ECE2: variants seen among roughly 807,000 people sequenced by gnomAD.
ECE2 encodes the protein endothelin converting enzyme 2.
A neutral mutation model predicts 100.6 loss-of-function variants in ECE2; 81 were observed. The observed-to-expected ratio is 0.81, with a 90% CI of 0.67 to 0.97. The LOEUF is 0.97. Ranked by LOEUF, ECE2 falls within the 50% of genes least tolerant of loss-of-function variation. The pLI is 0.00. For missense variants in ECE2, 911 were observed against 988.1 expected (o/e 0.92, Z 1.05); for synonymous variants, 391 against 391.5 (o/e 1.00, Z 0.02).
At chr3:184,285,365 C>A in intron 9 of ECE2, 113 bp from the exon 10 acceptor site, 1 of 951,514 alleles carries the variant, frequency 1.1e-6, no homozygotes, top group Admixed American at 2.2e-5. Context: ...CCCGGGACAG[C>A]TTCCACATAT....
intron 7 of ECE2, among the ~76,000 whole-genome samples, chr3:184,282,831 G>C (rs4912532): frequency 6.6e-6 from 1 of 151,980 alleles, no homozygotes; most frequent in Non-Finnish European, 1.5e-5. Context: ...GGGAGGAAAA[G>C]ATACACTGTA....
chr3:184,290,527 A>G, intron 14 of ECE2, 30 bp from the exon 15 acceptor site: 1 of 1,603,394 alleles, frequency 6.2e-7, no homozygotes, highest in African/African-American at 1.3e-5. Context: ...GAGAGTCGGG[A>G]GCCTCAGCCC....
In ECE2 at chr3:184,292,278, TG is replaced by T; in HGVS notation, c.*44del. On this transcript the variant is annotated 3_prime_UTR_variant, in exon 19 of 19. Coordinates refer to ENST00000404464, the MANE Select transcript of ECE2 (RefSeq NM_001100121.2). ...AGAAATGGCCAGCTGTCACCAGACCTGGGGCAGCTCTCCTGACAAAGCTGTT... is the reference window on the plus strand; with the variant it reads ...AGAAATGGCCAGCTGTCACCAGACCTGGGCAGCTCTCCTGACAAAGCTGTT... 6.2e-7 allele frequency: 1 copy of T among 1,607,120 alleles called. No homozygotes were observed. Among genetic ancestry groups the T allele is most frequent in the Non-Finnish European group, 8.5e-7 (1 of 1,174,810 alleles).
chr3:184,276,591 C>T (rs1720563276), intron 2 of ECE2, 24 bp downstream of exon 2: 1 of 1,599,392 alleles, frequency 6.3e-7, no homozygotes, highest in Non-Finnish European at 8.5e-7. Context: ...CTTCCCCTTT[C>T]TCACCAGGCC....
At position 184,292,473 on chromosome 3, in the gene ECE2, C is replaced by A; in HGVS notation, c.*235C>A. ...CATTCACTGTGACATCTTTCCGTGT[C>A]ACCCTGCCTGGAAGAGGTCTGGGTG... On this transcript the variant is annotated 3_prime_UTR_variant, in exon 19 of 19. Transcript: ENST00000404464. The A allele has an allele frequency of 1.8e-6, 1 of 564,444 alleles. No homozygotes were observed. Among genetic ancestry groups the A allele is most frequent in the East Asian group, 2.9e-5 (1 of 34,340 alleles). The allele number at this position is 564,444 out of a possible 1,614,324, so 35.0% of individuals were successfully genotyped here.
At chr3:184,287,267 C>G (rs1721097894) in intron 10 of ECE2, among the ~76,000 whole-genome samples, 1 of 147,040 alleles carries the variant, frequency 6.8e-6, no homozygotes, top group African/African-American at 2.5e-5. Context: ...CAGAGTGAGA[C>G]TCCATCTCAA....
intron 7 of ECE2, among the ~76,000 whole-genome samples, chr3:184,282,091 G>A (rs893739122): frequency 2.0e-5 from 3 of 152,132 alleles, no homozygotes; most frequent in Non-Finnish European, 4.4e-5. Context: ...AGAGGGAGAC[G>A]CCATCTCAAA....
At position 184,278,506 on chromosome 3, in the gene ECE2, G is replaced by T; in HGVS notation, c.765G>T (p.Gly255=). Residue 255 remains glycine (G), a synonymous_variant, in exon 7 of 19, where the codon GGG becomes GGT. Transcript: ENST00000404464. ...NSNVIQVDQS[G]LFLPSRDYYL... ...TGACATTGCAGGTGGACCAGTCTGG[G>T]CTCTTTCTGCCCTCTCGGGATTACT... 1.2e-6 allele frequency: 2 copies of T among 1,614,042 alleles called. No individual in the cohort carries two copies. Among genetic ancestry groups the T allele is most frequent in the Non-Finnish European group, 1.7e-6 (2 of 1,180,008 alleles).
intron 7 of ECE2, among the ~76,000 whole-genome samples, chr3:184,279,325 A>AAAAAG (rs1553837910): frequency 6.7e-6 from 1 of 149,934 alleles, no homozygotes; most frequent in Non-Finnish European, 1.5e-5. Context: ...AAAAAAAAAA[A>AAAAAG]AAAGAAAGAA....
chr3:184,282,493 G>C (rs1720852493), intron 7 of ECE2, among the ~76,000 whole-genome samples: 1 of 152,218 alleles, frequency 6.6e-6, no homozygotes, highest in African/African-American at 2.4e-5. Context: ...TCTGTTTGCA[G>C]GTTTTCGCCC....
intron 8 of ECE2, 63 bp from the exon 9 acceptor site, chr3:184,284,900 A>C (rs1461209316): frequency 1.4e-5 from 22 of 1,579,372 alleles, no homozygotes; most frequent in Non-Finnish European, 1.7e-5. Context: ...TACAGCATAC[A>C]GTGGGGGAGG....
At chr3:184,276,867 C>A in intron 2 of ECE2, 25 bp from the exon 3 acceptor site, 1 of 1,612,720 alleles carries the variant, frequency 6.2e-7, no homozygotes, top group Non-Finnish European at 8.5e-7. Flanking sequence ...ATCTCAGTCA[C>A]TCTCTGTCCC....
rs370348781 is a variant in ECE2, at chr3:184,291,118, C to G, written c.1913C>G (p.Ala638Gly). Residue 638 changes from alanine (A) to glycine (G), a missense_variant, in exon 17 of 19, where the codon GCC becomes GGC. Physicochemically the swap from Ala to Gly is moderately conservative, Grantham distance 60. Coordinates refer to ENST00000404464, the MANE Select transcript of ECE2 (RefSeq NM_001100121.2). This position sits in a 1 kb window ranked among gnomAD's most constrained non-coding sequence, Gnocchi z 4.1. ...CTGGCAGCCTTCCGGAACCACACGG[C>G]CTGCATGGAGGAACAGTACAATCAA... Reference protein sequence around the residue: ...ESLAAFRNHTACMEEQYNQYQ... With the variant: ...ESLAAFRNHTGCMEEQYNQYQ... 2.7e-5 allele frequency: 43 copies of G among 1,610,808 alleles called. No homozygotes were observed. The highest frequency in any genetic ancestry group is 6.7e-5 in the Admixed American group (4 of 59,472).
At position 184,289,833 on chromosome 3, in the gene ECE2, A is replaced by C; in HGVS notation, c.1551+115A>C. 1 of 854,180 alleles carries C rather than the reference A, an allele frequency of 1.2e-6. No homozygotes were observed. Among genetic ancestry groups the C allele is most frequent in the South Asian group, 1.9e-5 (1 of 54,002 alleles). The allele number at this position is 854,180 out of a possible 1,614,324, so 52.9% of individuals were successfully genotyped here. ...AGAGGTGCTTGTCGGTTTCTTTTAG[A>C]GGCAGATGGAGGTAACCAGCATTGT... is the stretch of plus-strand genomic sequence containing the variant. On this transcript the variant is annotated intron_variant, in intron 13 of 18. Coordinates refer to ENST00000404464, the MANE Select transcript of ECE2 (RefSeq NM_001100121.2). This position sits in a 1 kb window ranked among gnomAD's most constrained non-coding sequence, Gnocchi z 4.1.
At position 184,291,333 on chromosome 3, in the gene ECE2, T is replaced by G; in HGVS notation, c.2026-11T>G. 4 of 1,601,898 alleles carry G rather than the reference T, an allele frequency of 2.5e-6. No homozygotes were observed. The highest frequency in any genetic ancestry group is 3.4e-6 in the Non-Finnish European group (4 of 1,173,206). ...CCTGGATGGGCTTGTTGCCCACTGT[T>G]CTGTCCCCAGGCTTACAAAGCATGG... On this transcript the variant is annotated splice_polypyrimidine_tract_variant and intron_variant, in intron 17 of 18. Transcript: ENST00000404464. The surrounding 1 kb of genome is among the most constrained non-coding windows in gnomAD (Gnocchi z 4.1).
rs906985842 is a variant in ECE2, at chr3:184,276,628, C to A, written c.126+61C>A. On this transcript the variant is annotated intron_variant, in intron 2 of 18. Transcript: ENST00000404464. ...CAGCCCTGGCATGACGCCTGGCACA[C>A]CCAGGAGCTCTGGGCTGTTCTGGAG... 4.4e-6 allele frequency: 7 copies of A among 1,584,254 alleles called. No individual in the cohort carries two copies. The African/African-American group carries it at 9.4e-5, about 21-fold the overall frequency.
At position 184,285,546 on chromosome 3, in the gene ECE2, A is replaced by C. The variant is rs1158704307; in HGVS notation, c.1217A>C (p.Glu406Ala). 3.1e-6 allele frequency: 5 copies of C among 1,614,190 alleles called. No homozygotes were observed. Among genetic ancestry groups the C allele is most frequent in the Non-Finnish European group, 4.2e-6 (5 of 1,180,038 alleles). ...ACCTCAAGCCTGGACCGACGCTTTG[A>C]GTCTGCACAAGAGAAGCTGCTGGAG... ...KTTSSLDRRF[E>A]SAQEKLLETL... Residue 406 changes from glutamate to alanine, a missense_variant, in exon 10 of 19, where the codon GAG becomes GCG. Transcript: ENST00000404464.
rs1226827883 is a variant in ECE2, at chr3:184,291,488, T to G, written c.2121+49T>G. ...GGGTCTGCCCCTTTGTCCTGCTCCC[T>G]CCTGAGTATGTCATTAGGAGAACTC... On this transcript the variant is annotated intron_variant, in intron 18 of 18. Transcript: ENST00000404464. The surrounding 1 kb of genome is among the most constrained non-coding windows in gnomAD (Gnocchi z 4.1). The G allele has an allele frequency of 6.8e-7, 1 of 1,475,698 alleles. No homozygotes were observed. Among genetic ancestry groups the G allele is most frequent in the Non-Finnish European group, 9.1e-7 (1 of 1,099,934 alleles). 91.4% of individuals were successfully genotyped at this position (1,475,698 alleles called of 1,614,324 possible). A position where few individuals can be genotyped will look rare whatever the true frequency, so the allele number is the denominator to read the frequency against.
In ECE2 at chr3:184,276,878, C is replaced by G; in HGVS notation, c.127-14C>G. The G allele has an allele frequency of 6.2e-7, 1 of 1,613,806 alleles. No individual in the cohort carries two copies. The highest frequency in any genetic ancestry group is 8.5e-7 in the Non-Finnish European group (1 of 1,179,822). ...CTGCATCTCAGTCACTCTCTGTCCC[C>G]CTGTGTTCCCCAGGTGGGATTCCAG... On this transcript the variant is annotated splice_polypyrimidine_tract_variant and intron_variant, in intron 2 of 18. Transcript: ENST00000404464.
Sources: gnomAD v4.1 joint callset for allele counts (sites outside exome capture counted in the v4.1 genomes callset) on GRCh38, gnomAD v4.1.1 for gene constraint, Gnocchi (gnomAD v3.1) non-coding constraint, MANE v1.5 for transcripts, NCBI Gene and HGNC (gene_info 2026-07-23, HGNC 2026-07-21) for gene names.